FAM76A: variants seen among roughly 807,000 people sequenced by gnomAD.
FAM76A encodes the protein protein FAM76A.
Under a neutral mutation model 46.2 loss-of-function variants are expected in FAM76A, and 32 were observed. The ratio of observed to expected loss-of-function variants is 0.69; its 90% CI spans 0.52 to 0.93. The LOEUF (loss-of-function observed/expected upper bound fraction) is 0.93. Among genes scored for constraint, FAM76A ranks in the 40% least tolerant of loss-of-function variants. The probability of loss-of-function intolerance (pLI) is 0.00; values close to 1 mark genes in which losing one functional copy is unlikely to be tolerated. For missense variants in FAM76A, 274 were observed against 361.5 expected (o/e 0.76, Z 1.96); for synonymous variants, 137 against 127.0 (o/e 1.08, Z -0.53).
At chr1:27,745,708 G>A (rs376486133) in intron 5 of FAM76A, among the ~76,000 whole-genome samples, 3 of 152,328 alleles carry the variant, frequency 2.0e-5, no homozygotes, top group African/African-American at 7.2e-5. Context: ...AGTCAGGCAA[G>A]CAGGCTTGGA....
chr1:27,762,884 C>CA lies in FAM76A; in HGVS notation c.*2304dup, dbSNP rs1464540781. Reference sequence around the variant, plus strand: ...TGGCATTTAATATAAAGCAAATTCACACGTTTTCTAACTTTCCATAAGTTC... The same window carrying CA: ...TGGCATTTAATATAAAGCAAATTCACAACGTTTTCTAACTTTCCATAAGTTC... On this transcript the variant is annotated 3_prime_UTR_variant, in exon 9 of 9. Transcript: ENST00000373954. 6.6e-6 allele frequency: 1 copy of CA among 152,060 alleles called. No individual in the cohort carries two copies. Among genetic ancestry groups the CA allele is most frequent in the Non-Finnish European group, 1.5e-5 (1 of 68,010 alleles). 9.4% of individuals were successfully genotyped at this position (152,060 alleles called of 1,614,324 possible).
intron 7 of FAM76A, among the ~76,000 whole-genome samples, chr1:27,758,351 A>G (rs532269477): frequency 2.0e-5 from 3 of 152,304 alleles, no homozygotes; most frequent in South Asian, 4.1e-4. Context: ...TCTGTGTTCT[A>G]TCCACATAAC....
At chr1:27,726,261 G>A (rs2087856817) in intron 1 of FAM76A, 100 bp downstream of exon 1, 1 of 1,084,446 alleles carries the variant, frequency 9.2e-7, no homozygotes, top group South Asian at 4.5e-5. Flanking sequence ...CCGGAGCAGG[G>A]TGTGGCAGGC....
chr1:27,743,716 G>T (rs2088193633), intron 4 of FAM76A, among the ~76,000 whole-genome samples: 1 of 151,848 alleles, frequency 6.6e-6, no homozygotes, highest in African/African-American at 2.4e-5. Context: ...AGTGAGCTGA[G>T]ATCATACCAC....
At chr1:27,739,497 C>A in intron 4 of FAM76A, 1 of 375,368 alleles carries the variant, frequency 2.7e-6, no homozygotes, top group South Asian at 2.1e-5. Context: ...TAAAAAAAAA[C>A]TGCATATGGC....
chr1:27,760,479 T>C lies in FAM76A; in HGVS notation c.838-16T>C, dbSNP rs1304633041. The C allele has an allele frequency of 1.3e-5, 19 of 1,476,802 alleles. No individual in the cohort carries two copies. The highest frequency in any genetic ancestry group is 1.8e-4 in the Middle Eastern group (1 of 5,540). 91.5% of individuals were successfully genotyped at this position (1,476,802 alleles called of 1,614,324 possible). On this transcript the variant is annotated splice_polypyrimidine_tract_variant and intron_variant, in intron 8 of 8. Coordinates refer to ENST00000373954, the MANE Select transcript of FAM76A (RefSeq NM_152660.3). The stretch of plus-strand genomic sequence containing the variant: ...GTTTGAAACATCCTTCTTGCACTGA[T>C]TTTTTTTTTCTTTAGGCCAAAAACC...
chr1:27,735,939 A>T, intron 4 of FAM76A, among the ~76,000 whole-genome samples: 1 of 152,220 alleles, frequency 6.6e-6, no homozygotes. Context: ...TCTGCTTTAT[A>T]AATTACAATC....
In FAM76A at chr1:27,740,845, G is replaced by A. The variant is rs567290480; in HGVS notation, c.355-3809G>A. ...GTGAAGCAATTTAACAATTCATGTG[G>A]GGCCCGGGTGTGGTGGCTCACACCT... On this transcript the variant is annotated intron_variant, in intron 4 of 8. Transcript: ENST00000373954. Among the ~76,000 whole-genome samples, 11 of 152,114 alleles carry A rather than the reference G, an allele frequency of 7.2e-5. No homozygotes were observed. In the East Asian group the frequency reaches 1.4e-3, roughly 19 times the overall value.
At chr1:27,743,222 C>T (rs2088184481) in intron 4 of FAM76A, among the ~76,000 whole-genome samples, 1 of 152,122 alleles carries the variant, frequency 6.6e-6, no homozygotes, top group South Asian at 2.1e-4. Flanking sequence ...ATGCTTACAG[C>T]TCATGGCAGC....
At chr1:27,747,812 C>T (rs557233884) in intron 5 of FAM76A, among the ~76,000 whole-genome samples, 6 of 152,080 alleles carry the variant, frequency 3.9e-5, no homozygotes, top group Admixed American at 1.3e-4. Flanking sequence ...CCCAGCTATT[C>T]GGGAGGCTGA....
intron 5 of FAM76A, among the ~76,000 whole-genome samples, chr1:27,747,053 G>A (rs2088252629): frequency 6.6e-6 from 1 of 152,024 alleles, no homozygotes; most frequent in South Asian, 2.1e-4. Flanking sequence ...TCCAGCCTGG[G>A]CAACAGAGCA....
In FAM76A at chr1:27,738,218, G is replaced by A. The variant is rs138466873; in HGVS notation, c.354+4035G>A. ...CTAAAAAAATAATAATAGGCCAGGC[G>A]TAGTGGCTCACGCCTGTAATCCCAG... is the stretch of plus-strand genomic sequence containing the variant. On this transcript the variant is annotated intron_variant, in intron 4 of 8. Coordinates refer to ENST00000373954, the MANE Select transcript of FAM76A (RefSeq NM_152660.3). 3.5e-3 allele frequency among the ~76,000 whole-genome samples: 539 copies of A among 152,110 alleles called. 1 individual carries two copies. The highest frequency in any genetic ancestry group is 0.012 in the African/African-American group (514 of 41,478).
chr1:27,731,715 C>A (rs2087960886), intron 2 of FAM76A, among the ~76,000 whole-genome samples: 1 of 152,088 alleles, frequency 6.6e-6, no homozygotes, highest in South Asian at 2.1e-4. Flanking sequence ...TCCTGCTAGT[C>A]CATTTTAGTA....
chr1:27,752,399 A>G (rs2088345871), intron 6 of FAM76A, among the ~76,000 whole-genome samples: 1 of 152,160 alleles, frequency 6.6e-6, no homozygotes, highest in South Asian at 2.1e-4. Context: ...TATAACAAAA[A>G]CTTTTCAATT....
intron 4 of FAM76A, among the ~76,000 whole-genome samples, chr1:27,737,965 A>C (rs924448073): frequency 1.3e-5 from 2 of 150,918 alleles, no homozygotes; most frequent in African/African-American, 2.4e-5. Flanking sequence ...AGGTGGGAAG[A>C]TCTCTTGAGC....
chr1:27,731,230 C>T (rs529389395), intron 2 of FAM76A, among the ~76,000 whole-genome samples: 4 of 122,168 alleles, frequency 3.3e-5, no homozygotes, highest in Middle Eastern at 5.3e-3. Flanking sequence ...TTTCGAGACA[C>T]AGTTTTGCTG....
At chr1:27,758,435 T>C (rs548030179) in intron 7 of FAM76A, among the ~76,000 whole-genome samples, 1 of 152,256 alleles carries the variant, frequency 6.6e-6, no homozygotes, top group African/African-American at 2.4e-5. Flanking sequence ...CATAAAAGGA[T>C]TTTTGTAAAA....
At chr1:27,727,388 GAAATAGTA>G (rs1286571196) in intron 1 of FAM76A, 76 bp from the exon 2 acceptor site, 1 of 1,105,784 alleles carries the variant, frequency 9.0e-7, no homozygotes, top group African/African-American at 1.5e-5. Flanking sequence ...AGCTATGCTA[GAAATAGTA>G]CCCAGGTCGG....
intron 6 of FAM76A, among the ~76,000 whole-genome samples, chr1:27,749,620 T>C (rs1012146026): frequency 3.9e-5 from 6 of 152,046 alleles, no homozygotes; most frequent in Non-Finnish European, 1.5e-5. Flanking sequence ...CCTCCCAAAG[T>C]GCGGGGATTA....
Sources: allele counts gnomAD v4.1 joint callset (sites outside exome capture counted in the v4.1 genomes callset), GRCh38; gene constraint gnomAD v4.1.1; transcripts MANE v1.5; gene names NCBI Gene and HGNC (gene_info 2026-07-23, HGNC 2026-07-21).